ZBTB8OS: variants seen among roughly 807,000 people sequenced by gnomAD.
ZBTB8OS encodes the protein tRNA-splicing ligase-activating factor archease.
Under a neutral mutation model 29.3 loss-of-function variants are expected in ZBTB8OS, and 16 were observed. The observed-to-expected ratio is 0.55, with a 90% CI of 0.37 to 0.83. The LOEUF is 0.83. Ranked by LOEUF, ZBTB8OS falls within the 40% of genes least tolerant of loss-of-function variation. ZBTB8OS has a pLI of 0.00. For synonymous variants in ZBTB8OS, 70 were observed against 64.6 expected (o/e 1.08, Z -0.40); for missense variants, 160 against 196.9 (o/e 0.81, Z 1.12).
chr1:32,641,064 C>T (rs914787498), intron 1 of ZBTB8OS, among the ~76,000 whole-genome samples: 3 of 150,536 alleles, frequency 2.0e-5, no homozygotes, highest in South Asian at 4.2e-4. Flanking sequence ...CCCAGCTAAT[C>T]GGGAGGCCGA....
intron 1 of ZBTB8OS, among the ~76,000 whole-genome samples, chr1:32,635,074 A>G (rs567116401): frequency 6.6e-6 from 1 of 151,972 alleles, no homozygotes; most frequent in Admixed American, 6.6e-5. Context: ...TAAATAAATA[A>G]ATAAATAAAA....
chr1:32,635,290 T>A (rs1198637846), intron 1 of ZBTB8OS, among the ~76,000 whole-genome samples: 1 of 151,404 alleles, frequency 6.6e-6, no homozygotes, highest in Admixed American at 6.6e-5. Flanking sequence ...TTTTTTTTTT[T>A]AGTTGGAGTT....
At chr1:32,638,287 G>A (rs1646144615) in intron 1 of ZBTB8OS, among the ~76,000 whole-genome samples, 1 of 135,288 alleles carries the variant, frequency 7.4e-6, no homozygotes, top group African/African-American at 2.9e-5. Context: ...CCACCTCCCA[G>A]GTTCAAGTGA....
intron 1 of ZBTB8OS, among the ~76,000 whole-genome samples, chr1:32,644,503 C>T (rs1185853324): frequency 1.3e-5 from 2 of 149,620 alleles, no homozygotes; most frequent in Non-Finnish European, 3.0e-5. Flanking sequence ...TGAGCCACTG[C>T]TTCTATCCTA....
In ZBTB8OS at chr1:32,621,414, A is replaced by G. The variant is rs1262497332; in HGVS notation, c.*448T>C. The G allele has an allele frequency of 7.2e-5, 11 of 153,756 alleles. No individual in the cohort carries two copies. The highest frequency in any genetic ancestry group is 3.1e-3 in the Middle Eastern group (1 of 318). The allele number at this position is 153,756 out of a possible 1,614,324, so 9.5% of individuals were successfully genotyped here. A position where few individuals can be genotyped will look rare whatever the true frequency, so the allele number is the denominator to read the frequency against. On this transcript the variant is annotated 3_prime_UTR_variant, in exon 7 of 7. Transcript: ENST00000468695. ...ACTCCGTCTCAAAAAAAAAAAAAAA[A>G]AAGAAACAAAATATATGTCTTAACC...
intron 1 of ZBTB8OS, among the ~76,000 whole-genome samples, chr1:32,645,377 C>T (rs1044490726): frequency 3.9e-5 from 6 of 151,962 alleles, no homozygotes; most frequent in Admixed American, 1.3e-4. Context: ...CAGGCATAGA[C>T]AGTAGTCCCA....
At chr1:32,647,453 GA>G (rs1162341569) in intron 1 of ZBTB8OS, among the ~76,000 whole-genome samples, 1 of 137,422 alleles carries the variant, frequency 7.3e-6, no homozygotes, top group Non-Finnish European at 1.6e-5. Context: ...AAAAAAAAAA[GA>G]AAAGAAAGAA....
chr1:32,649,770 T>C (rs550116122), intron 1 of ZBTB8OS, among the ~76,000 whole-genome samples: 1 of 151,994 alleles, frequency 6.6e-6, no homozygotes, highest in South Asian at 2.1e-4. Flanking sequence ...GTTCAAGCGA[T>C]TCTCCTGCCT....
At chr1:32,632,441 G>C (rs987110040) in intron 4 of ZBTB8OS, 4 of 152,048 alleles carry the variant, frequency 2.6e-5, no homozygotes, top group African/African-American at 7.2e-5. Context: ...TTGAGACAAG[G>C]TTTCACTCTG....
At chr1:32,648,389 T>C (rs628353) in intron 1 of ZBTB8OS, among the ~76,000 whole-genome samples, 149,589 of 152,318 alleles carry the variant, frequency 0.98, 73,512 homozygotes, top group East Asian at 1. Context: ...TTCTACAGAT[T>C]CACTTGCACA....
rs372409747 is a variant in ZBTB8OS, at chr1:32,643,555, G to T, written c.97+6878C>A. ...CTGTGGCCCAGGCTGGAGTGCAGTGGCATGATCTCGGCTCACCACAACCCC... is the reference window on the plus strand; with the variant it reads ...CTGTGGCCCAGGCTGGAGTGCAGTGTCATGATCTCGGCTCACCACAACCCC... On this transcript the variant is annotated intron_variant, in intron 1 of 6. Coordinates refer to ENST00000468695, the MANE Select transcript of ZBTB8OS (RefSeq NM_178547.5). Among the ~76,000 whole-genome samples the T allele has an allele frequency of 2.5e-3, 379 of 151,804 alleles. 3 individuals are homozygous for T. Among genetic ancestry groups the T allele is most frequent in the African/African-American group, 8.5e-3 (352 of 41,404 alleles).
In ZBTB8OS at chr1:32,621,081, A is replaced by G. The variant is rs1292027866; in HGVS notation, c.*781T>C. The G allele has an allele frequency of 1.3e-5, 2 of 152,160 alleles. No homozygotes were observed. The highest frequency in any genetic ancestry group is 4.8e-5 in the African/African-American group (2 of 41,510). 9.4% of individuals were successfully genotyped at this position (152,160 alleles called of 1,614,324 possible). A position where few individuals can be genotyped will look rare whatever the true frequency, so the allele number is the denominator to read the frequency against. On this transcript the variant is annotated 3_prime_UTR_variant, in exon 7 of 7. Coordinates refer to ENST00000468695, the MANE Select transcript of ZBTB8OS (RefSeq NM_178547.5). ...CTGTCCTATAGCAACCTAAACCAGC[A>G]CCTCCCTTGATGTGCATATAGAAAA... is the stretch of plus-strand genomic sequence containing the variant.
intron 6 of ZBTB8OS, among the ~76,000 whole-genome samples, chr1:32,622,927 G>C (rs1459007688): frequency 2.6e-5 from 4 of 151,866 alleles, no homozygotes; most frequent in Non-Finnish European, 5.9e-5. Context: ...TCACCTCTTG[G>C]GACTCTTCTC....
intron 1 of ZBTB8OS, 149 bp downstream of exon 1, chr1:32,650,284 G>T: frequency 2.8e-6 from 3 of 1,086,726 alleles, no homozygotes; most frequent in Non-Finnish European, 2.6e-6. Context: ...CCCAGGAGAA[G>T]TACGAACGCG....
chr1:32,629,740 T>C (rs563597104), intron 5 of ZBTB8OS, among the ~76,000 whole-genome samples: 82 of 149,472 alleles, frequency 5.5e-4, no homozygotes, highest in Non-Finnish European at 9.4e-4. Flanking sequence ...CTTTTGGACA[T>C]GCTTGTTTCT....
At chr1:32,634,857 A>G in intron 1 of ZBTB8OS, 65 bp from the exon 2 acceptor site, 3 of 1,059,106 alleles carry the variant, frequency 2.8e-6, no homozygotes, top group South Asian at 2.5e-5. Flanking sequence ...CACACACAAA[A>G]TAACTCTAGT....
chr1:32,643,579 CCT>C (rs1382982178), intron 1 of ZBTB8OS, among the ~76,000 whole-genome samples: 1 of 150,152 alleles, frequency 6.7e-6, no homozygotes, highest in Non-Finnish European at 1.5e-5. Flanking sequence ...CACCACAACC[CCT>C]GCCTCCCGGG....
At position 32,650,537 on chromosome 1, in the gene ZBTB8OS, G is replaced by A; in HGVS notation, c.-8C>T. 1 of 1,614,134 alleles carries A rather than the reference G, an allele frequency of 6.2e-7. No individual in the cohort carries two copies. Among genetic ancestry groups the A allele is most frequent in the Non-Finnish European group, 8.5e-7 (1 of 1,180,022 alleles). Reference sequence around the variant, plus strand: ...TTCCTCTTCCTGCGCCATGACTGCAGGATTAGACACTCTACTTCCGCCCTT... The same window carrying A: ...TTCCTCTTCCTGCGCCATGACTGCAAGATTAGACACTCTACTTCCGCCCTT... On this transcript the variant is annotated 5_prime_UTR_variant, in exon 1 of 7. Transcript: ENST00000468695.
chr1:32,635,418 C>T (rs1481478095), intron 1 of ZBTB8OS, among the ~76,000 whole-genome samples: 1 of 151,942 alleles, frequency 6.6e-6, no homozygotes, highest in Admixed American at 6.6e-5. Flanking sequence ...ATTACAGGCG[C>T]ACACCACCAC....
Sources: allele counts gnomAD v4.1 joint callset (sites outside exome capture counted in the v4.1 genomes callset), GRCh38; gene constraint gnomAD v4.1.1; transcripts MANE v1.5; gene names NCBI Gene and HGNC (gene_info 2026-07-23, HGNC 2026-07-21).